MEI4: variants seen among roughly 807,000 people sequenced by gnomAD.
MEI4 encodes meiotic double-stranded break formation protein 4.
Under a neutral mutation model 31.4 loss-of-function variants are expected in MEI4, and 27 were observed. That is an observed-to-expected ratio of 0.86 (90% confidence interval 0.63 to 1.19). The LOEUF (loss-of-function observed/expected upper bound fraction) is 1.19. MEI4 is among the 50% of genes most tolerant of loss of function. MEI4 has a pLI of 0.00. For synonymous variants in MEI4, 122 were observed against 145.4 expected (o/e 0.84, Z 1.16); for missense variants, 329 against 398.9 (o/e 0.82, Z 1.49).
chr6:77,798,852 A>G lies in MEI4; in HGVS notation c.769-30079A>G, dbSNP rs188624906. 7.8e-3 allele frequency among the ~76,000 whole-genome samples: 1,187 copies of G among 151,922 alleles called. 19 individuals are homozygous for G. The highest frequency in any genetic ancestry group is 0.027 in the African/African-American group (1,138 of 41,460). ...ATTTTTTATGGCTGCGTAGTATTCC[A>G]TGGTGTATATGTGCCAAATTTTCTT... On this transcript the variant is annotated intron_variant, in intron 3 of 4. Transcript: ENST00000684080.
chr6:77,880,540 G>A (rs2127728412), intron 4 of MEI4, among the ~76,000 whole-genome samples: 1 of 152,256 alleles, frequency 6.6e-6, no homozygotes, highest in African/African-American at 2.4e-5. Context: ...AATTAATAAG[G>A]AAAACATTTC....
intron 4 of MEI4, among the ~76,000 whole-genome samples, chr6:77,918,775 A>G (rs1343988074): frequency 6.6e-6 from 1 of 151,718 alleles, no homozygotes; most frequent in Non-Finnish European, 1.5e-5. Flanking sequence ...TCTCCTGCCT[A>G]ATTGCCCTGG....
At chr6:77,811,471 C>T (rs1582173360) in intron 3 of MEI4, among the ~76,000 whole-genome samples, 1 of 152,186 alleles carries the variant, frequency 6.6e-6, no homozygotes, top group East Asian at 1.9e-4. Context: ...CATAAAAGAG[C>T]ACTTGAAATA....
At position 77,715,821 on chromosome 6, in the gene MEI4, C is replaced by T. The variant is rs554999051; in HGVS notation, c.232+24918C>T. ...TCACGTGATGAGTTATTATGTCATGCTTCAAATATTTTATTCAATGGCGAA... is the reference window on the plus strand; with the variant it reads ...TCACGTGATGAGTTATTATGTCATGTTTCAAATATTTTATTCAATGGCGAA... On this transcript the variant is annotated intron_variant, in intron 2 of 4. Coordinates refer to ENST00000684080, the MANE Select transcript of MEI4 (RefSeq NM_001322247.2). Among the ~76,000 whole-genome samples the T allele has an allele frequency of 2.6e-5, 4 of 152,110 alleles. No individual in the cohort carries two copies. The South Asian group carries it at 8.3e-4, about 32-fold the overall frequency.
At chr6:77,709,914 TATTTGTCTTCCGAGCAG>T (rs1360817120) in intron 2 of MEI4, among the ~76,000 whole-genome samples, 1 of 152,214 alleles carries the variant, frequency 6.6e-6, no homozygotes. Flanking sequence ...CATCTTCTCC[TATTTGTCTTCCGAGCAG>T]AAATCAGTCC....
chr6:77,819,522 G>A (rs1769766864), intron 3 of MEI4, among the ~76,000 whole-genome samples: 1 of 152,146 alleles, frequency 6.6e-6, no homozygotes, highest in South Asian at 2.1e-4. Context: ...ACTTTAATCT[G>A]ATTAGGATGT....
At chr6:77,766,251 C>T (rs961787113) in intron 3 of MEI4, among the ~76,000 whole-genome samples, 1 of 152,092 alleles carries the variant, frequency 6.6e-6, no homozygotes, top group Non-Finnish European at 1.5e-5. Flanking sequence ...CCACTGGTCC[C>T]TTCCTATAAA....
At chr6:77,787,200 A>G (rs1768760630) in intron 3 of MEI4, among the ~76,000 whole-genome samples, 1 of 152,184 alleles carries the variant, frequency 6.6e-6, no homozygotes, top group Non-Finnish European at 1.5e-5. Context: ...CATGTTCTTT[A>G]GCCGGGATTT....
intron 4 of MEI4, among the ~76,000 whole-genome samples, chr6:77,844,528 G>A (rs1345657645): frequency 6.6e-6 from 1 of 152,034 alleles, no homozygotes; most frequent in African/African-American, 2.4e-5. Context: ...TGAAATTTCT[G>A]CATATCAATT....
At chr6:77,800,909 G>A (rs1220885755) in intron 3 of MEI4, among the ~76,000 whole-genome samples, 1 of 152,114 alleles carries the variant, frequency 6.6e-6, no homozygotes, top group African/African-American at 2.4e-5. Context: ...TTTTATTGAG[G>A]ATTGTTGCAT....
At chr6:77,727,818 G>A (rs777102185) in intron 2 of MEI4, among the ~76,000 whole-genome samples, 2 of 152,144 alleles carry the variant, frequency 1.3e-5, no homozygotes, top group Non-Finnish European at 2.9e-5. Flanking sequence ...AAAATGTTCT[G>A]GTCACAGTAA....
At chr6:77,703,362 C>T (rs1458877976) in intron 2 of MEI4, among the ~76,000 whole-genome samples, 1 of 152,076 alleles carries the variant, frequency 6.6e-6, no homozygotes, top group Non-Finnish European at 1.5e-5. Context: ...TCTAAGAGAG[C>T]CACACATGTT....
intron 4 of MEI4, among the ~76,000 whole-genome samples, chr6:77,914,316 A>AT (rs1157826299): frequency 2.0e-5 from 3 of 152,058 alleles, no homozygotes; most frequent in South Asian, 2.1e-4. Flanking sequence ...GTTTCAAGAC[A>AT]TTTTTTAATT....
At chr6:77,801,453 G>T (rs1483802512) in intron 3 of MEI4, among the ~76,000 whole-genome samples, 2 of 152,038 alleles carry the variant, frequency 1.3e-5, no homozygotes, top group Non-Finnish European at 2.9e-5. Context: ...TGGATTCATT[G>T]ATTTTTTGAA....
intron 4 of MEI4, among the ~76,000 whole-genome samples, chr6:77,917,842 C>T (rs1766599614): frequency 6.8e-6 from 1 of 147,902 alleles, no homozygotes; most frequent in Non-Finnish European, 1.5e-5. Flanking sequence ...AGTCGTTGCC[C>T]ATGCCTATGT....
In MEI4 at chr6:77,899,924, A is replaced by G. The variant is rs12662792; in HGVS notation, c.901-23165A>G. ...TAAATGTAAAACCTGAAATTATGAA[A>G]CTACCAGAAAAAAAAAAACAGGAAA... On this transcript the variant is annotated intron_variant, in intron 4 of 4. Transcript: ENST00000684080. 1.7e-4 allele frequency among the ~76,000 whole-genome samples: 26 copies of G among 151,986 alleles called. No individual in the cohort carries two copies. The East Asian group carries it at 4.5e-3, about 26-fold the overall frequency.
At chr6:77,732,744 G>T (rs538282154) in intron 2 of MEI4, among the ~76,000 whole-genome samples, 1 of 152,048 alleles carries the variant, frequency 6.6e-6, no homozygotes, top group Non-Finnish European at 1.5e-5. Flanking sequence ...TGCCCATTCA[G>T]TATGATATTG....
chr6:77,851,851 T>A (rs1770633205), intron 4 of MEI4, among the ~76,000 whole-genome samples: 1 of 152,130 alleles, frequency 6.6e-6, no homozygotes, highest in Admixed American at 6.6e-5. Flanking sequence ...GAACTTTTAC[T>A]ACATGGTATC....
intron 1 of MEI4, among the ~76,000 whole-genome samples, chr6:77,676,787 A>C (rs1193338595): frequency 2.0e-5 from 3 of 152,020 alleles, no homozygotes; most frequent in African/African-American, 7.2e-5. Context: ...ATTGTTCTTA[A>C]ATTTTTCTTT....
Sources: gnomAD v4.1 joint callset for allele counts (sites outside exome capture counted in the v4.1 genomes callset) on GRCh38, gnomAD v4.1.1 for gene constraint, MANE v1.5 for transcripts, NCBI Gene and HGNC (gene_info 2026-07-23, HGNC 2026-07-21) for gene names.